Variants in KAT8 observed in about 807,000 individuals in gnomAD.
KAT8 encodes lysine acetyltransferase 8.
KAT8 carries 40 observed loss-of-function variants against 62.9 expected under a neutral mutation model. That is an observed-to-expected ratio of 0.64 (90% CI 0.49 to 0.83). The LOEUF is 0.83. KAT8 is among the 40% of genes least tolerant of loss of function. KAT8 has a pLI of 0.00. For missense variants in KAT8, 387 were observed against 614.8 expected (o/e 0.63, Z 3.92); for synonymous variants, 278 against 254.5 (o/e 1.09, Z -0.88).
intron 1 of KAT8, chr16:31,118,775 T>C (rs1387424739): frequency 6.6e-6 from 1 of 152,202 alleles, no homozygotes; most frequent in Admixed American, 6.6e-5. Context: ...CACGTAGTGG[T>C]TGCCTTACTC....
At chr16:31,126,509 C>A (rs1437734518) in intron 3 of KAT8, 1 of 162,864 alleles carries the variant, frequency 6.1e-6, no homozygotes, top group Non-Finnish European at 1.4e-5. Flanking sequence ...AATGAGCAAC[C>A]CAGGAGGAGG....
intron 1 of KAT8, among the ~76,000 whole-genome samples, chr16:31,119,703 A>G (rs1596817365): frequency 6.6e-6 from 1 of 151,900 alleles, no homozygotes; most frequent in Non-Finnish European, 1.5e-5. Flanking sequence ...CAGTGGTACA[A>G]TCTCGGCTCA....
At chr16:31,121,476 G>A (rs1177308054) in intron 3 of KAT8, among the ~76,000 whole-genome samples, 2 of 152,100 alleles carry the variant, frequency 1.3e-5, no homozygotes, top group East Asian at 1.9e-4. Context: ...GGCCTGTGAA[G>A]TAAGCATGCA....
intron 3 of KAT8, chr16:31,122,375 T>A (rs2057501399): frequency 6.6e-6 from 1 of 152,190 alleles, no homozygotes; most frequent in African/African-American, 2.4e-5. Flanking sequence ...TGTGTGTATA[T>A]ACAGACATGT....
At chr16:31,127,487 T>G (rs1596824066) in intron 5 of KAT8, 134 bp downstream of exon 5, 4 of 904,730 alleles carry the variant, frequency 4.4e-6, no homozygotes, top group Non-Finnish European at 6.7e-6. Context: ...AGGGAAGAGC[T>G]GCTGGGGGTC....
Position 31,117,777 on chromosome 16 carries a change from G to A in KAT8, c.96G>A (p.Glu32=). 8 of 1,390,888 alleles carry A rather than the reference G, an allele frequency of 5.8e-6. No homozygotes were observed. Among genetic ancestry groups the A allele is most frequent in the Non-Finnish European group, 6.6e-6 (7 of 1,062,326 alleles). 86.2% of individuals were successfully genotyped at this position (1,390,888 alleles called of 1,614,324 possible). Residue 32 remains glutamate, a synonymous_variant, in exon 1 of 11, where the codon GAG becomes GAA. Coordinates refer to ENST00000219797, the MANE Select transcript of KAT8 (RefSeq NM_032188.3). ...GGCCCGGGGAGAATGCGGCCGCTGAGGGGACCGCCCCATCCCCGGGCCGCG... is the reference window on the plus strand; with the variant it reads ...GGCCCGGGGAGAATGCGGCCGCTGAAGGGACCGCCCCATCCCCGGGCCGCG... ...EPGPGENAAA[E]GTAPSPGRVS...
In KAT8 at chr16:31,120,383, C is replaced by G; in HGVS notation, c.331C>G (p.Leu111Val). The change falls in exon 3 of 11, where the codon CTG becomes GTG. Residue 111 changes from leucine (L) to valine (V), a missense_variant. Leu to Val is a conservative substitution (Grantham distance 32, BLOSUM62 1). This residue lies in a region of KAT8 where 69 missense variants were observed against 127.0 expected (regional missense o/e 0.54). Transcript: ENST00000219797. Reference protein sequence around the residue: ...DEWVDKNRLALTKTVKDAVQK... With the variant: ...DEWVDKNRLAVTKTVKDAVQK... ...GTGGGTAGACAAGAACCGGCTGGCG[C>G]TGACCAAGACAGTGAAGGATGCTGT... 3 of 1,614,070 alleles carry G rather than the reference C, an allele frequency of 1.9e-6. No individual in the cohort carries two copies. Among genetic ancestry groups the G allele is most frequent in the Non-Finnish European group, 2.5e-6 (3 of 1,179,946 alleles).
chr16:31,118,785 CATTT>C (rs2057470856), intron 1 of KAT8: 3 of 151,994 alleles, frequency 2.0e-5, no homozygotes, highest in African/African-American at 7.2e-5. Flanking sequence ...TTGCCTTACT[CATTT>C]ATTGAATGCT....
chr16:31,120,567 T>C, intron 3 of KAT8, 53 bp downstream of exon 3: 2 of 1,546,610 alleles, frequency 1.3e-6, no homozygotes, highest in Non-Finnish European at 1.8e-6. Flanking sequence ...CTCTGCCAGT[T>C]CCCTTGGGTC....
chr16:31,120,323 T>C lies in KAT8; in HGVS notation c.287-16T>C, dbSNP rs537214022. The C allele has an allele frequency of 3.1e-4, 500 of 1,614,104 alleles. 3 individuals carry two copies. Among genetic ancestry groups the C allele is most frequent in the South Asian group, 2.9e-3 (260 of 91,090 alleles). On this transcript the variant is annotated splice_polypyrimidine_tract_variant and intron_variant, in intron 2 of 10. Transcript: ENST00000219797. ...GTTGGCTGCCCTGGCAGCACTCTTA[T>C]GGCCCATACTTACAGTTAACCGGCG...
intron 6 of KAT8, among the ~76,000 whole-genome samples, chr16:31,129,661 C>T (rs990549756): frequency 6.6e-5 from 10 of 152,208 alleles, no homozygotes; most frequent in Non-Finnish European, 1.0e-4. Context: ...GCTGGGGACA[C>T]AGCCATGAAC....
At chr16:31,122,920 G>A (rs2057507593) in intron 3 of KAT8, among the ~76,000 whole-genome samples, 1 of 151,808 alleles carries the variant, frequency 6.6e-6, no homozygotes, top group African/African-American at 2.4e-5. Context: ...AGTGGCTCAC[G>A]CCTGTAATCC....
rs923628560 is a variant in KAT8, at chr16:31,131,324, T to C, written c.*65T>C. 7.0e-6 allele frequency: 11 copies of C among 1,573,236 alleles called. No individual in the cohort carries two copies. The highest frequency in any genetic ancestry group is 2.7e-5 in the African/African-American group (2 of 73,378). On this transcript the variant is annotated 3_prime_UTR_variant, in exon 11 of 11. Transcript: ENST00000219797. ...CCCAGCCTGTAAATATGTATAGACC[T>C]GTTTTGTCATTTTTTTAATAAAGTC...
At chr16:31,130,971 C>A (rs1473251902) in intron 10 of KAT8, 71 bp downstream of exon 10, 1 of 1,561,364 alleles carries the variant, frequency 6.4e-7, no homozygotes, top group Admixed American at 1.9e-5. Context: ...GGAGTCAAGG[C>A]CTCCTTATTG....
chr16:31,124,440 G>A (rs1437956274), intron 3 of KAT8, among the ~76,000 whole-genome samples: 6 of 152,104 alleles, frequency 3.9e-5, no homozygotes, highest in African/African-American at 1.2e-4. Context: ...TCAGGAGTTC[G>A]AGATCAGCCT....
intron 8 of KAT8, 26 bp from the exon 9 acceptor site, chr16:31,130,430 T>G (rs1470795970): frequency 6.2e-7 from 1 of 1,614,122 alleles, no homozygotes; most frequent in Admixed American, 1.7e-5. Flanking sequence ...GGCTGGATCC[T>G]AAGTTCCTCT....
Position 31,117,798 on chromosome 16 carries a change from C to A in KAT8, c.117C>A (p.Gly39=). The part of the protein sequence containing the change: ...AAAEGTAPSP[G]RVSPPTPARG... ...CTGAGGGGACCGCCCCATCCCCGGG[C>A]CGCGTCTCTCCGCCGACCCCGGCGC... Residue 39 remains glycine, a synonymous_variant, in exon 1 of 11, where the codon GGC becomes GGA. Transcript: ENST00000219797. 7.0e-7 allele frequency: 1 copy of A among 1,423,332 alleles called. No individual in the cohort carries two copies. Among genetic ancestry groups the A allele is most frequent in the East Asian group, 3.0e-5 (1 of 33,186 alleles). The allele number at this position is 1,423,332 out of a possible 1,614,324, so 88.2% of individuals were successfully genotyped here.
Position 31,130,529 on chromosome 16 carries a change from C to T in KAT8, c.1080C>T (p.Ser360=). The T allele has an allele frequency of 6.2e-7, 1 of 1,614,170 alleles. No individual in the cohort carries two copies. Among genetic ancestry groups the T allele is most frequent in the Non-Finnish European group, 8.5e-7 (1 of 1,179,974 alleles). ...EKPLSDLGKL[S]YRSYWSWVLL... ...CACTGTCTGACCTGGGCAAGCTCAGCTACCGCAGCTACTGGTCCTGGGTGC... is the reference window on the plus strand; with the variant it reads ...CACTGTCTGACCTGGGCAAGCTCAGTTACCGCAGCTACTGGTCCTGGGTGC... The change falls in exon 9 of 11, where the codon AGC becomes AGT. Residue 360 remains serine (S), a synonymous_variant. Coordinates refer to ENST00000219797, the MANE Select transcript of KAT8 (RefSeq NM_032188.3).
At chr16:31,125,637 C>G (rs1331628444) in intron 3 of KAT8, 1 of 149,420 alleles carries the variant, frequency 6.7e-6, no homozygotes, top group Non-Finnish European at 1.5e-5. Flanking sequence ...AAATAACACT[C>G]TATGTAAGGG....
Sources: gnomAD v4.1 joint callset for allele counts (sites outside exome capture counted in the v4.1 genomes callset) on GRCh38, gnomAD v4.1.1 for gene constraint, gnomAD v4.1.1 regional missense constraint, MANE v1.5 for transcripts, NCBI Gene and HGNC (gene_info 2026-07-23, HGNC 2026-07-21) for gene names.